Variants in ZNF28 observed in about 807,000 individuals in gnomAD.
The protein encoded by ZNF28 is zinc finger protein KOX24.
ZNF28 carries 5 observed loss-of-function variants against 7.2 expected under a neutral mutation model. That is an observed-to-expected ratio of 0.70 (90% confidence interval 0.36 to 1.46). ZNF28 has a LOEUF of 1.46. Among genes scored for constraint, ZNF28 ranks in the 40% most tolerant of loss-of-function variants. ZNF28 has a pLI of 0.03. For missense variants in ZNF28, 879 were observed against 866.6 expected (o/e 1.01, Z -0.18); for synonymous variants, 288 against 292.4 (o/e 0.99, Z 0.15).
In ZNF28 at chr19:52,818,005, C is replaced by A. The variant is rs767850013; in HGVS notation, c.-47G>T. ...CTTCCTCTTCTGGGTTTCTTCCTCA[C>A]GTACCAAGATTCTTTAGAAGTCAAT... On this transcript the variant is annotated 5_prime_UTR_variant, in exon 2 of 4. Coordinates refer to ENST00000457749, the MANE Select transcript of ZNF28 (RefSeq NM_006969.5). 1 of 1,609,658 alleles carries A rather than the reference C, an allele frequency of 6.2e-7. No homozygotes were observed. The highest frequency in any genetic ancestry group is 1.3e-5 in the African/African-American group (1 of 74,940).
chr19:52,813,467 G>C (rs2063082225), intron 2 of ZNF28, among the ~76,000 whole-genome samples: 1 of 121,044 alleles, frequency 8.3e-6, no homozygotes. Context: ...GCTGCTCCAG[G>C]GTAGGCGGGC....
chr19:52,800,510 G>A lies in ZNF28; in HGVS notation c.1335C>T (p.Gly445=). ...GAGTTGATTGTTGATTAAAAACCTT[G>A]CCACATTCATTACACTTGTAAGGCT... ...GEKPYKCNEC[G]KVFNQQSTLA... Residue 445 remains glycine, a synonymous_variant, in exon 4 of 4, where the codon GGC becomes GGT. Transcript: ENST00000457749. The A allele has an allele frequency of 6.2e-7, 1 of 1,613,626 alleles. No individual in the cohort carries two copies. Among genetic ancestry groups the A allele is most frequent in the Non-Finnish European group, 8.5e-7 (1 of 1,179,880 alleles).
At chr19:52,803,397 C>T (rs185175301) in intron 3 of ZNF28, among the ~76,000 whole-genome samples, 19 of 152,246 alleles carry the variant, frequency 1.2e-4, no homozygotes, top group Admixed American at 1.2e-3. Context: ...GTGACATTAT[C>T]TAGGGGAGTG....
intron 2 of ZNF28, among the ~76,000 whole-genome samples, chr19:52,812,765 A>T (rs1460398158): frequency 2.2e-4 from 24 of 111,038 alleles, no homozygotes; most frequent in African/African-American, 1.1e-3. Context: ...TGATCAATAA[A>T]AAAAAAAAAA....
At position 52,804,022 on chromosome 19, in the gene ZNF28, T is replaced by C. The variant is rs948523716; in HGVS notation, c.143-2320A>G. On this transcript the variant is annotated intron_variant, in intron 3 of 3. Transcript: ENST00000457749. The stretch of plus-strand genomic sequence containing the variant: ...CTTTGGTAGATGTGGTATTCTCTAA[T>C]AGGATGTTCCTGCAGATGCAGACCT... Among the ~76,000 whole-genome samples, 13 of 152,222 alleles carry C rather than the reference T, an allele frequency of 8.5e-5. No individual in the cohort carries two copies. The East Asian group carries it at 1.5e-3, about 18-fold the overall frequency.
intron 2 of ZNF28, among the ~76,000 whole-genome samples, chr19:52,812,320 G>A (rs574065878): frequency 5.2e-4 from 74 of 141,774 alleles, no homozygotes; most frequent in African/African-American, 2.1e-3. Flanking sequence ...TTGTGGAATA[G>A]AAAGGCGGGA....
chr19:52,797,525 GAAT>G lies in ZNF28; in HGVS notation c.*2160_*2162del, dbSNP rs1171831866. On this transcript the variant is annotated 3_prime_UTR_variant, in exon 4 of 4. Transcript: ENST00000457749. ...ACATATTCAGTGTATTTGCAGAATA[GAAT>G]AATAGCACCAAAAATTAGTTGAATT... is the stretch of plus-strand genomic sequence containing the variant. 1.3e-5 allele frequency: 2 copies of G among 152,106 alleles called. No homozygotes were observed. The highest frequency in any genetic ancestry group is 2.4e-5 in the African/African-American group (1 of 41,428). The allele number at this position is 152,106 out of a possible 1,614,324, so 9.4% of individuals were successfully genotyped here. A position where few individuals can be genotyped will look rare whatever the true frequency, so the allele number is the denominator to read the frequency against.
chr19:52,799,104 G>T lies in ZNF28; in HGVS notation c.*584C>A. The T allele has an allele frequency of 2.4e-6, 1 of 418,854 alleles. No individual in the cohort carries two copies. The highest frequency in any genetic ancestry group is 4.6e-6 in the Non-Finnish European group (1 of 216,332). 25.9% of individuals were successfully genotyped at this position (418,854 alleles called of 1,614,324 possible). On this transcript the variant is annotated 3_prime_UTR_variant, in exon 4 of 4. Coordinates refer to ENST00000457749, the MANE Select transcript of ZNF28 (RefSeq NM_006969.5). ...TTTGTCACAGTCTTCACATTTGTAA[G>T]ATTTCTCTGCAGTATGAAGACTATG...
chr19:52,810,755 G>GA (rs11454962), intron 2 of ZNF28: 25,971 of 469,652 alleles, frequency 0.055, 1,790 homozygotes, highest in African/African-American at 0.21. Flanking sequence ...GAAAGAAGGG[G>GA]AAAAAAAAAG....
chr19:52,797,729 T>C lies in ZNF28; in HGVS notation c.*1959A>G, dbSNP rs951476120. 4 of 152,778 alleles carry C rather than the reference T, an allele frequency of 2.6e-5. No homozygotes were observed. The highest frequency in any genetic ancestry group is 9.7e-5 in the African/African-American group (4 of 41,444). 9.5% of individuals were successfully genotyped at this position (152,778 alleles called of 1,614,324 possible). ...AACATATAAATACACATACAATCCA[T>C]ACTGATTGGAAAAATTAGTATTGCT... is the stretch of plus-strand genomic sequence containing the variant. On this transcript the variant is annotated 3_prime_UTR_variant, in exon 4 of 4. Transcript: ENST00000457749.
chr19:52,810,658 C>A, intron 2 of ZNF28: 1 of 1,123,062 alleles, frequency 8.9e-7, no homozygotes. Context: ...GCTCTGGGGT[C>A]GCGTCTACAG....
chr19:52,810,235 A>C, intron 2 of ZNF28: 1 of 1,179,560 alleles, frequency 8.5e-7, no homozygotes. Context: ...AAGCAGAGGA[A>C]TATGAGTCTA....
In ZNF28 at chr19:52,799,940, G is replaced by T. The variant is rs953432664; in HGVS notation, c.1905C>A (p.Tyr635Ter). 4.3e-6 allele frequency: 7 copies of T among 1,613,590 alleles called. No homozygotes were observed. Among genetic ancestry groups the T allele is most frequent in the African/African-American group, 1.3e-5 (1 of 74,952 alleles). ...HRRLHTGEKP[Y>*]KCNECGKTFS... Reference sequence around the variant, plus strand: ...AGGTCTTGCCACACTCATTACACTTGTAAGGTTTCTCTCCAGTATGAAGCC... The same window carrying T: ...AGGTCTTGCCACACTCATTACACTTTTAAGGTTTCTCTCCAGTATGAAGCC... Residue 635 changes from tyrosine to a stop codon, truncating the protein, a stop_gained, in exon 4 of 4, where the codon TAC becomes TAA. Transcript: ENST00000457749. LOFTEE classifies it low-confidence loss of function (END_TRUNC).
chr19:52,802,034 A>G (rs2062879030), intron 3 of ZNF28, among the ~76,000 whole-genome samples: 1 of 152,232 alleles, frequency 6.6e-6, no homozygotes, highest in Non-Finnish European at 1.5e-5. Context: ...CATCAAAAAA[A>G]GAAAAATATA....
intron 2 of ZNF28, 46 bp from the exon 3 acceptor site, chr19:52,808,179 T>C (rs1467148693): frequency 6.2e-7 from 1 of 1,604,908 alleles, no homozygotes; most frequent in East Asian, 2.2e-5. Flanking sequence ...GTGGAGTTCT[T>C]ATCTTTACAG....
chr19:52,808,915 C>T (rs1221593095), intron 2 of ZNF28, among the ~76,000 whole-genome samples: 3 of 152,056 alleles, frequency 2.0e-5, no homozygotes, highest in Non-Finnish European at 4.4e-5. Context: ...TCACAAAACA[C>T]TAGATGTGAA....
intron 2 of ZNF28, chr19:52,809,868 G>C: frequency 1.5e-6 from 1 of 673,770 alleles, no homozygotes; most frequent in South Asian, 1.7e-5. Context: ...CACTGGGCCT[G>C]CGGGCGGTCC....
chr19:52,803,179 T>A (rs565505551), intron 3 of ZNF28, among the ~76,000 whole-genome samples: 73 of 152,322 alleles, frequency 4.8e-4, no homozygotes, highest in African/African-American at 1.8e-3. Context: ...TTGGGGTTCA[T>A]GTGAGTCTCT....
At chr19:52,803,714 C>G (rs955790750) in intron 3 of ZNF28, among the ~76,000 whole-genome samples, 8 of 152,096 alleles carry the variant, frequency 5.3e-5, no homozygotes, top group Admixed American at 5.2e-4. Flanking sequence ...TGCCTGTAAT[C>G]CCAGCACTTT....
Sources: allele counts gnomAD v4.1 joint callset (sites outside exome capture counted in the v4.1 genomes callset), GRCh38; gene constraint gnomAD v4.1.1; transcripts MANE v1.5; gene names NCBI Gene and HGNC (gene_info 2026-07-23, HGNC 2026-07-21).